Variants in ELP2 observed in about 807,000 individuals in gnomAD.
The protein encoded by ELP2 is elongator acetyltransferase complex subunit 2.
Under a neutral mutation model 119.2 loss-of-function variants are expected in ELP2, and 90 were observed. The observed-to-expected ratio is 0.75, with a 90% CI of 0.64 to 0.90. ELP2 has a LOEUF of 0.90. ELP2 is among the 40% of genes least tolerant of loss of function. The pLI, the probability that ELP2 is intolerant of heterozygous loss-of-function variation, is 0.00. For missense variants in ELP2, 921 were observed against 967.8 expected, an observed-to-expected ratio of 0.95 and a Z score of 0.64; for synonymous variants, 339 against 331.0, an observed-to-expected ratio of 1.02 and a Z score of -0.26.
intron 11 of ELP2, among the ~76,000 whole-genome samples, chr18:36,146,952 T>C (rs1227766454): frequency 6.6e-6 from 1 of 152,210 alleles, no homozygotes; most frequent in African/African-American, 2.4e-5. Context: ...GAAAATTAGA[T>C]AGCAAGAACG....
chr18:36,166,419 C>G (rs1056744262), intron 18 of ELP2, among the ~76,000 whole-genome samples: 2 of 147,116 alleles, frequency 1.4e-5, no homozygotes, highest in African/African-American at 5.0e-5. Context: ...CAGCCTCCGC[C>G]TCCTGGGTTC....
Position 36,167,242 on chromosome 18 carries a change from A to G in ELP2, c.2076+20A>G. On this transcript the variant is annotated intron_variant, in intron 19 of 21. Transcript: ENST00000358232. ...AAAAAGGTAATTATTTAAAAATTTA[A>G]TATTTTTTCAAATGTAAAAATAATA... 6.5e-7 allele frequency: 1 copy of G among 1,527,760 alleles called. No homozygotes were observed. Among genetic ancestry groups the G allele is most frequent in the South Asian group, 1.3e-5 (1 of 78,462 alleles). The allele number at this position is 1,527,760 out of a possible 1,614,324, so 94.6% of individuals were successfully genotyped here.
intron 17 of ELP2, among the ~76,000 whole-genome samples, chr18:36,163,275 G>GGTGTGTGTGTGTGTGTGTGT (rs59728775): frequency 4.8e-5 from 7 of 145,484 alleles, no homozygotes; most frequent in African/African-American, 1.5e-4. Context: ...GTTCATGGGG[G>GGTGTGTGTGTGTGTGTGTGT]GTGTGTGTGT....
At chr18:36,167,078 T>C (rs2090929695) in intron 18 of ELP2, 23 bp from the exon 19 acceptor site, 3 of 1,575,488 alleles carry the variant, frequency 1.9e-6, no homozygotes, top group Admixed American at 1.8e-5. Flanking sequence ...GCTTTGTGAA[T>C]AGTGTATACA....
chr18:36,152,372 C>G (rs562385031), intron 11 of ELP2, among the ~76,000 whole-genome samples: 26 of 152,278 alleles, frequency 1.7e-4, no homozygotes, highest in African/African-American at 5.8e-4. Flanking sequence ...TCATGAGAAG[C>G]TGAGACAGCA....
chr18:36,147,813 T>C (rs1250519339), intron 11 of ELP2, among the ~76,000 whole-genome samples: 2 of 152,012 alleles, frequency 1.3e-5, no homozygotes, highest in Non-Finnish European at 2.9e-5. Flanking sequence ...TATGTAAGTG[T>C]ATTTTATTTT....
intron 15 of ELP2, 22 bp from the exon 16 acceptor site, chr18:36,159,936 A>G (rs1243703765): frequency 2.3e-5 from 37 of 1,613,894 alleles, no homozygotes; most frequent in Middle Eastern, 1.7e-4. Context: ...ACATAGAAAA[A>G]AATAGCTTCA....
Position 36,177,525 on chromosome 18 carries a change from TG to T in ELP2, c.*2887del, listed in dbSNP as rs2091252623. On this transcript the variant is annotated 3_prime_UTR_variant, in exon 22 of 22. Transcript: ENST00000358232. ...GAGGAGGAAATGAGGAGTTGTTTAATGGGTATAGTGTTTCAGTTTTGCAAGA... is the reference window on the plus strand; with the variant it reads ...GAGGAGGAAATGAGGAGTTGTTTAATGGTATAGTGTTTCAGTTTTGCAAGA... 1 of 152,220 alleles carries T rather than the reference TG, an allele frequency of 6.6e-6. No homozygotes were observed. Among genetic ancestry groups the T allele is most frequent in the African/African-American group, 2.4e-5 (1 of 41,450 alleles). 9.4% of individuals were successfully genotyped at this position (152,220 alleles called of 1,614,324 possible). A position where few individuals can be genotyped will look rare whatever the true frequency, so the allele number is the denominator to read the frequency against.
At chr18:36,167,837 G>C (rs2090954089) in intron 19 of ELP2, among the ~76,000 whole-genome samples, 1 of 151,948 alleles carries the variant, frequency 6.6e-6, no homozygotes, top group Non-Finnish European at 1.5e-5. Context: ...TCACCACCAT[G>C]CCCAGCCAAT....
chr18:36,149,422 C>A (rs530512897), intron 11 of ELP2, among the ~76,000 whole-genome samples: 1 of 150,872 alleles, frequency 6.6e-6, no homozygotes, highest in African/African-American at 2.4e-5. Context: ...AACCCATTCC[C>A]GTCATGCCTT....
At chr18:36,160,048 AT>A in intron 16 of ELP2, 33 bp downstream of exon 16, 1 of 1,607,234 alleles carries the variant, frequency 6.2e-7, no homozygotes, top group Non-Finnish European at 8.5e-7. Context: ...CTTTGGTCTG[AT>A]TCTGTCGTAA....
chr18:36,142,986 T>C lies in ELP2; in HGVS notation c.796+20T>C. 1.3e-6 allele frequency: 2 copies of C among 1,547,740 alleles called. No individual in the cohort carries two copies. The highest frequency in any genetic ancestry group is 1.8e-6 in the Non-Finnish European group (2 of 1,125,690). On this transcript the variant is annotated intron_variant, in intron 8 of 21. Coordinates refer to ENST00000358232, the MANE Select transcript of ELP2 (RefSeq NM_018255.4). ...ATGAAAGTGAGTAATAATGAAAATA[T>C]CCAATATAACGATACTTAGGTCTCC...
At chr18:36,136,280 T>G (rs2089821244) in intron 2 of ELP2, 27 bp from the exon 3 acceptor site, 2 of 1,543,938 alleles carry the variant, frequency 1.3e-6, no homozygotes, top group Admixed American at 3.3e-5. Flanking sequence ...TGAATAAAGA[T>G]ATTTACTGAG....
chr18:36,145,431 C>T (rs1369642273), intron 9 of ELP2: 4 of 295,490 alleles, frequency 1.4e-5, no homozygotes, highest in African/African-American at 6.6e-5. Flanking sequence ...GTTACTCCTT[C>T]TTTCTTTTGC....
chr18:36,154,640 T>C (rs960760127), intron 11 of ELP2, among the ~76,000 whole-genome samples: 2 of 152,252 alleles, frequency 1.3e-5, no homozygotes, highest in Non-Finnish European at 2.9e-5. Context: ...CCACAGTTAC[T>C]GATTTAAAGG....
At chr18:36,136,487 C>T in intron 3 of ELP2, 110 bp downstream of exon 3, 3 of 863,444 alleles carry the variant, frequency 3.5e-6, no homozygotes, top group Non-Finnish European at 6.0e-6. Context: ...GCGATCGTGG[C>T]TCACCTCAGC....
At chr18:36,168,602 AGAGCATGGAG>A (rs2090974846) in intron 19 of ELP2, among the ~76,000 whole-genome samples, 2 of 152,202 alleles carry the variant, frequency 1.3e-5, no homozygotes, top group South Asian at 4.1e-4. Flanking sequence ...TATCATGAGA[AGAGCATGGAG>A]GTAACCGCCC....
At position 36,178,353 on chromosome 18, in the gene ELP2, G is replaced by T. The variant is rs1295382743; in HGVS notation, c.*3712G>T. On this transcript the variant is annotated 3_prime_UTR_variant, in exon 22 of 22. Coordinates refer to ENST00000358232, the MANE Select transcript of ELP2 (RefSeq NM_018255.4). ...GTGGTTACCAGGGGCTGGGAATGGGGAGAGGAGTGACTACAGAGGGACCTA... is the reference window on the plus strand; with the variant it reads ...GTGGTTACCAGGGGCTGGGAATGGGTAGAGGAGTGACTACAGAGGGACCTA... 1 of 152,206 alleles carries T rather than the reference G, an allele frequency of 6.6e-6. No homozygotes were observed. Among genetic ancestry groups the T allele is most frequent in the African/African-American group, 2.4e-5 (1 of 41,428 alleles). The allele number at this position is 152,206 out of a possible 1,614,324, so 9.4% of individuals were successfully genotyped here. A position where few individuals can be genotyped will look rare whatever the true frequency, so the allele number is the denominator to read the frequency against.
In ELP2 at chr18:36,133,130, AC is replaced by A. The variant is rs369228661; in HGVS notation, c.139-106del. 1.3e-3 allele frequency: 994 copies of A among 780,044 alleles called. 11 individuals are homozygous for A. In the African/African-American group the frequency reaches 0.016, roughly 12 times the overall value. The allele number at this position is 780,044 out of a possible 1,614,324, so 48.3% of individuals were successfully genotyped here. Reference sequence around the variant, plus strand: ...AAGAAGGCAAATCTGTTTGATGTAAACCTGATCTTTTTACTAGCATCGAAAA... The same window carrying A: ...AAGAAGGCAAATCTGTTTGATGTAAACTGATCTTTTTACTAGCATCGAAAA... On this transcript the variant is annotated intron_variant, in intron 1 of 21. Coordinates refer to ENST00000358232, the MANE Select transcript of ELP2 (RefSeq NM_018255.4).
Sources: gnomAD v4.1 joint callset for allele counts (sites outside exome capture counted in the v4.1 genomes callset) on GRCh38, gnomAD v4.1.1 for gene constraint, MANE v1.5 for transcripts, NCBI Gene and HGNC (gene_info 2026-07-23, HGNC 2026-07-21) for gene names.